Variants in KIF16B observed in about 807,000 individuals in gnomAD.
KIF16B encodes the protein kinesin-like protein KIF16B.
Under a neutral mutation model 156.3 loss-of-function variants are expected in KIF16B, and 98 were observed. The ratio of observed to expected loss-of-function variants is 0.63; its 90% confidence interval spans 0.53 to 0.74. The LOEUF (loss-of-function observed/expected upper bound fraction) is 0.74. KIF16B is among the 30% of genes least tolerant of loss of function. KIF16B has a pLI of 0.00. For missense variants in KIF16B, 1,421 were observed against 1,606.5 expected (o/e 0.88, Z 1.97); for synonymous variants, 564 against 583.7 (o/e 0.97, Z 0.49).
At chr20:16,307,400 G>A (rs1305746260) in intron 25 of KIF16B, among the ~76,000 whole-genome samples, 1 of 152,126 alleles carries the variant, frequency 6.6e-6, no homozygotes, top group East Asian at 1.9e-4. Flanking sequence ...TTCAGTGAAG[G>A]TGAAGCATGT....
At chr20:16,549,249 T>C (rs1177918806) in intron 1 of KIF16B, among the ~76,000 whole-genome samples, 1 of 145,454 alleles carries the variant, frequency 6.9e-6, no homozygotes, top group Non-Finnish European at 1.5e-5. Context: ...GTCCATGTGA[T>C]CTCATTGTTC....
At chr20:16,522,746 TA>T (rs1288214730) in intron 3 of KIF16B, among the ~76,000 whole-genome samples, 1 of 152,142 alleles carries the variant, frequency 6.6e-6, no homozygotes, top group Non-Finnish European at 1.5e-5. Context: ...ACACTTACTC[TA>T]AAATTGACCA....
intron 15 of KIF16B, among the ~76,000 whole-genome samples, chr20:16,419,270 T>A (rs373438293): frequency 1.7e-4 from 26 of 152,268 alleles, no homozygotes; most frequent in African/African-American, 6.0e-4. Flanking sequence ...GGAAGACATA[T>A]GATGAATGCT....
At chr20:16,390,539 T>C (rs1014525603) in intron 17 of KIF16B, among the ~76,000 whole-genome samples, 19 of 152,158 alleles carry the variant, frequency 1.2e-4, no homozygotes, top group African/African-American at 3.9e-4. Context: ...ATGAGGCCCA[T>C]AGAGTGTGAG....
intron 25 of KIF16B, among the ~76,000 whole-genome samples, chr20:16,311,130 G>A (rs1294166573): frequency 6.6e-6 from 1 of 152,176 alleles, no homozygotes; most frequent in Non-Finnish European, 1.5e-5. Flanking sequence ...TCCAGAAAGG[G>A]CTCTCTCAGG....
At chr20:16,457,600 A>G (rs1438408731) in intron 12 of KIF16B, among the ~76,000 whole-genome samples, 1 of 152,218 alleles carries the variant, frequency 6.6e-6, no homozygotes, top group Admixed American at 6.5e-5. Flanking sequence ...GTAAGCCATC[A>G]TCAACAGCTG....
intron 1 of KIF16B, among the ~76,000 whole-genome samples, chr20:16,539,580 A>C (rs1314812910): frequency 6.6e-6 from 1 of 152,050 alleles, no homozygotes; most frequent in East Asian, 1.9e-4. Flanking sequence ...CATTCTTTCC[A>C]TGTGATGTGC....
intron 12 of KIF16B, among the ~76,000 whole-genome samples, chr20:16,437,135 T>C (rs539571453): frequency 6.6e-6 from 1 of 152,352 alleles, no homozygotes; most frequent in African/African-American, 2.4e-5. Flanking sequence ...CAGGGAATAA[T>C]GACAAGAAAA....
intron 2 of KIF16B, among the ~76,000 whole-genome samples, chr20:16,526,992 G>A (rs2069569432): frequency 6.6e-6 from 1 of 152,208 alleles, no homozygotes; most frequent in Admixed American, 6.5e-5. Context: ...AAGCAACAGA[G>A]TAATCGAGGA....
chr20:16,457,001 T>A (rs2067228900), intron 12 of KIF16B, among the ~76,000 whole-genome samples: 1 of 152,078 alleles, frequency 6.6e-6, no homozygotes, highest in South Asian at 2.1e-4. Flanking sequence ...ACAAAAACAA[T>A]GATGATAACC....
At chr20:16,405,500 C>T (rs1257367907) in intron 16 of KIF16B, among the ~76,000 whole-genome samples, 2 of 152,160 alleles carry the variant, frequency 1.3e-5, no homozygotes, top group Admixed American at 1.3e-4. Context: ...AGCTTTCTTG[C>T]TATTTTCCAA....
intron 23 of KIF16B, among the ~76,000 whole-genome samples, chr20:16,353,756 G>T (rs777906720): frequency 1.4e-4 from 22 of 152,098 alleles, no homozygotes; most frequent in Admixed American, 1.1e-3. Context: ...TCTGGGGAAG[G>T]CCTGTATATT....
intron 15 of KIF16B, among the ~76,000 whole-genome samples, chr20:16,415,145 CA>C (rs757140054): frequency 2.0e-5 from 3 of 152,030 alleles, no homozygotes; most frequent in African/African-American, 4.8e-5. Context: ...GTAGAAAGCA[CA>C]GGAAATGATT....
intron 9 of KIF16B, 59 bp downstream of exon 9, chr20:16,505,663 A>G (rs1429500135): frequency 2.7e-6 from 4 of 1,477,496 alleles, no homozygotes. Flanking sequence ...AAACTTAAAT[A>G]TTTACAGTTA....
intron 15 of KIF16B, among the ~76,000 whole-genome samples, chr20:16,414,477 G>T (rs562039525): frequency 1.1e-4 from 16 of 152,002 alleles, no homozygotes; most frequent in Non-Finnish European, 1.8e-4. Flanking sequence ...TTCAAATATG[G>T]ATTTACAATT....
intron 12 of KIF16B, among the ~76,000 whole-genome samples, chr20:16,443,466 C>T (rs1287703129): frequency 6.6e-6 from 1 of 152,152 alleles, no homozygotes; most frequent in African/African-American, 2.4e-5. Context: ...TGTCTCATCC[C>T]GTCCCTTTGA....
intron 10 of KIF16B, 62 bp from the exon 11 acceptor site, chr20:16,497,740 C>A: frequency 8.2e-7 from 1 of 1,219,200 alleles, no homozygotes; most frequent in South Asian, 1.3e-5. Flanking sequence ...AGGTTTTTCC[C>A]TGAATATAGT....
chr20:16,305,546 C>T (rs984404790), intron 25 of KIF16B, among the ~76,000 whole-genome samples: 11 of 152,298 alleles, frequency 7.2e-5, no homozygotes, highest in African/African-American at 2.6e-4. Flanking sequence ...CATTGCAATT[C>T]ATATCTTCTA....
chr20:16,512,938 C>T lies in KIF16B; in HGVS notation c.349-15G>A, dbSNP rs1316993725. 2 of 1,540,814 alleles carry T rather than the reference C, an allele frequency of 1.3e-6. No homozygotes were observed. The highest frequency in any genetic ancestry group is 1.8e-6 in the Non-Finnish European group (2 of 1,113,646). Reference sequence around the variant, plus strand: ...CCAGAATCTCCCTGCATGGGAAAGACCAATGTCACAGCTGTCACTCAAAAT... The same window carrying T: ...CCAGAATCTCCCTGCATGGGAAAGATCAATGTCACAGCTGTCACTCAAAAT... On this transcript the variant is annotated splice_polypyrimidine_tract_variant and intron_variant, in intron 4 of 25. Coordinates refer to ENST00000354981, the MANE Select transcript of KIF16B (RefSeq NM_024704.5).
Sources: gnomAD v4.1 joint callset for allele counts (sites outside exome capture counted in the v4.1 genomes callset) on GRCh38, gnomAD v4.1.1 for gene constraint, MANE v1.5 for transcripts, NCBI Gene and HGNC (gene_info 2026-07-23, HGNC 2026-07-21) for gene names.